FCHSD2: variants seen among roughly 807,000 people sequenced by gnomAD.
The protein encoded by FCHSD2 is F-BAR and double SH3 domains protein 2.
In FCHSD2, 38 loss-of-function variants were observed where a neutral mutation model predicts 108.1. The ratio of observed to expected loss-of-function variants is 0.35; its 90% CI spans 0.27 to 0.46. The LOEUF (loss-of-function observed/expected upper bound fraction) is 0.46, where lower values mean the gene tolerates loss of function less well. Among genes scored for constraint, FCHSD2 ranks in the 20% least tolerant of loss-of-function variants. FCHSD2 has a pLI of 1.00. For missense variants in FCHSD2, 751 were observed against 897.8 expected (o/e 0.84, Z 2.09); for synonymous variants, 279 against 314.7 (o/e 0.89, Z 1.20).
chr11:73,060,624 G>C (rs1859137872), intron 3 of FCHSD2, among the ~76,000 whole-genome samples: 1 of 152,084 alleles, frequency 6.6e-6, no homozygotes, highest in Non-Finnish European at 1.5e-5. Flanking sequence ...TTGATGGATT[G>C]TCCACTCATC....
intron 12 of FCHSD2, among the ~76,000 whole-genome samples, chr11:72,882,239 G>A (rs538394421): frequency 2.0e-5 from 3 of 151,958 alleles, no homozygotes; most frequent in African/African-American, 4.8e-5. Context: ...TCAGGAGTTC[G>A]AGACCAGCTT....
intron 9 of FCHSD2, among the ~76,000 whole-genome samples, chr11:72,908,353 A>C (rs1443556519): frequency 5.3e-5 from 8 of 152,218 alleles, no homozygotes; most frequent in African/African-American, 1.4e-4. Context: ...GAGAGTGCAG[A>C]TATCTCTTTG....
chr11:72,861,626 C>T lies in FCHSD2; in HGVS notation c.1308+6239G>A, dbSNP rs534073045. Among the ~76,000 whole-genome samples, 25 of 152,184 alleles carry T rather than the reference C, an allele frequency of 1.6e-4. No homozygotes were observed. In the South Asian group the frequency reaches 5.2e-3, roughly 32 times the overall value. ...TATCAGAGTCCTAGCAAACCAGTTC[C>T]AATCAATATATAGAAAGGATAGGCC... On this transcript the variant is annotated intron_variant, in intron 13 of 19. Coordinates refer to ENST00000409418, the MANE Select transcript of FCHSD2 (RefSeq NM_014824.3).
At chr11:73,040,771 T>A (rs1858615791) in intron 3 of FCHSD2, among the ~76,000 whole-genome samples, 1 of 152,214 alleles carries the variant, frequency 6.6e-6, no homozygotes, top group Non-Finnish European at 1.5e-5. Flanking sequence ...GAAAGACATA[T>A]TGTTGTTGAT....
chr11:72,939,897 C>T (rs1856381226), intron 8 of FCHSD2, among the ~76,000 whole-genome samples: 1 of 152,036 alleles, frequency 6.6e-6, no homozygotes, highest in Non-Finnish European at 1.5e-5. Context: ...GGATTACAGG[C>T]ATGAGCCACC....
At chr11:73,064,921 C>T (rs1384422712) in intron 3 of FCHSD2, among the ~76,000 whole-genome samples, 1 of 152,096 alleles carries the variant, frequency 6.6e-6, no homozygotes, top group African/African-American at 2.4e-5. Context: ...CAAATTCTAC[C>T]AGAGGTACAA....
At chr11:72,972,879 C>T (rs958562350) in intron 8 of FCHSD2, among the ~76,000 whole-genome samples, 2 of 152,158 alleles carry the variant, frequency 1.3e-5, no homozygotes, top group African/African-American at 4.8e-5. Flanking sequence ...AAATGATATG[C>T]AAACAATGCT....
At chr11:73,127,201 A>G (rs1860879461) in intron 2 of FCHSD2, among the ~76,000 whole-genome samples, 1 of 152,252 alleles carries the variant, frequency 6.6e-6, no homozygotes, top group South Asian at 2.1e-4. Flanking sequence ...TAACACCAGA[A>G]ATAACATTTT....
intron 4 of FCHSD2, 74 bp from the exon 5 acceptor site, chr11:73,001,208 G>A (rs1857619554): frequency 8.0e-7 from 1 of 1,253,244 alleles, no homozygotes; most frequent in Non-Finnish European, 1.1e-6. Flanking sequence ...TTTGCTCACA[G>A]GGCAGCACTG....
In FCHSD2 at chr11:72,930,232, G is replaced by A. The variant is rs949380096; in HGVS notation, c.706-8282C>T. On this transcript the variant is annotated intron_variant, in intron 8 of 19. Transcript: ENST00000409418. Reference sequence around the variant, plus strand: ...AACTGCCTGTGGTAACCTGAAACCAGTATTATCTAATAGCTGCCGAAACAA... The same window carrying A: ...AACTGCCTGTGGTAACCTGAAACCAATATTATCTAATAGCTGCCGAAACAA... Among the ~76,000 whole-genome samples, 46 of 152,114 alleles carry A rather than the reference G, an allele frequency of 3.0e-4. 1 individual carries two copies. The highest frequency in any genetic ancestry group is 1.1e-3 in the African/African-American group (45 of 41,410).
intron 12 of FCHSD2, among the ~76,000 whole-genome samples, chr11:72,878,583 G>A (rs1251363823): frequency 6.6e-6 from 1 of 152,134 alleles, no homozygotes; most frequent in African/African-American, 2.4e-5. Context: ...AAGGACTAAC[G>A]GGGGTAATGT....
At chr11:72,875,789 C>T (rs1854956070) in intron 12 of FCHSD2, among the ~76,000 whole-genome samples, 1 of 152,192 alleles carries the variant, frequency 6.6e-6, no homozygotes, top group African/African-American at 2.4e-5. Context: ...ATGTGATTTG[C>T]TTTGGCTAGT....
chr11:72,888,542 GA>G, intron 11 of FCHSD2, among the ~76,000 whole-genome samples: 1 of 151,586 alleles, frequency 6.6e-6, no homozygotes, highest in East Asian at 1.9e-4. Context: ...AAATGAAACA[GA>G]AAAAAAGTAC....
chr11:72,966,458 A>G (rs1002931591), intron 8 of FCHSD2, among the ~76,000 whole-genome samples: 6 of 151,892 alleles, frequency 4.0e-5, no homozygotes, highest in Non-Finnish European at 7.4e-5. Context: ...CCACACCCGG[A>G]CTAAACTGAG....
intron 3 of FCHSD2, among the ~76,000 whole-genome samples, chr11:73,021,852 G>T (rs1457290143): frequency 6.6e-6 from 1 of 152,144 alleles, no homozygotes; most frequent in African/African-American, 2.4e-5. Flanking sequence ...ACTTTGGGAG[G>T]TGGAGTCATG....
Position 73,027,710 on chromosome 11 carries a change from C to T in FCHSD2, c.166-11825G>A, listed in dbSNP as rs143353518. Among the ~76,000 whole-genome samples, 116 of 152,374 alleles carry T rather than the reference C, an allele frequency of 7.6e-4. 3 individuals carry two copies. In the Middle Eastern group the frequency reaches 0.037, roughly 49 times the overall value. On this transcript the variant is annotated intron_variant, in intron 3 of 19. Transcript: ENST00000409418. ...TCAGAGATGTTCGCTGCACTCCCCG[C>T]CATCACAGGCCCAGGAGGCCTAGGA...
At chr11:72,967,015 A>G (rs910658670) in intron 8 of FCHSD2, among the ~76,000 whole-genome samples, 1 of 151,784 alleles carries the variant, frequency 6.6e-6, no homozygotes, top group Non-Finnish European at 1.5e-5. Context: ...TGGCTAACAC[A>G]GTGAAACCCC....
At chr11:72,881,833 A>T (rs1319277170) in intron 12 of FCHSD2, among the ~76,000 whole-genome samples, 2 of 152,220 alleles carry the variant, frequency 1.3e-5, no homozygotes, top group Non-Finnish European at 2.9e-5. Context: ...AAAAATGTTA[A>T]TTATAGAAGT....
chr11:72,965,383 T>G (rs1243335348), intron 8 of FCHSD2, among the ~76,000 whole-genome samples: 1 of 152,214 alleles, frequency 6.6e-6, no homozygotes, highest in Non-Finnish European at 1.5e-5. Context: ...TAAAACACAG[T>G]AGGAAACAAT....
Sources: allele counts gnomAD v4.1 joint callset (sites outside exome capture counted in the v4.1 genomes callset), GRCh38; gene constraint gnomAD v4.1.1; transcripts MANE v1.5; gene names NCBI Gene and HGNC (gene_info 2026-07-23, HGNC 2026-07-21).